The following IQCK variants were observed in gnomAD, a reference collection of about 807,000 sequenced individuals.
The protein encoded by IQCK is IQ domain-containing protein K.
Under a neutral mutation model 28.1 loss-of-function variants are expected in IQCK, and 29 were observed. That is an observed-to-expected ratio of 1.03 (90% confidence interval 0.77 to 1.41). IQCK has a LOEUF of 1.41. IQCK is among the 40% of genes most tolerant of loss of function. IQCK has a pLI of 0.00. For missense variants in IQCK, 359 were observed against 314.7 expected (o/e 1.14, Z -1.07); for synonymous variants, 113 against 115.1 (o/e 0.98, Z 0.12).
chr16:19,737,345 G>A (rs1567537124), intron 4 of IQCK, among the ~76,000 whole-genome samples: 1 of 152,114 alleles, frequency 6.6e-6, no homozygotes, highest in Non-Finnish European at 1.5e-5. Flanking sequence ...ATATACTGAG[G>A]AAATAAGGTT....
chr16:19,778,463 T>A (rs1567553839), intron 6 of IQCK, among the ~76,000 whole-genome samples: 1 of 152,014 alleles, frequency 6.6e-6, no homozygotes, highest in African/African-American at 2.4e-5. Context: ...TGCAACCAGC[T>A]TGGGCAACAT....
At chr16:19,750,480 G>C (rs1204216806) in intron 4 of IQCK, among the ~76,000 whole-genome samples, 1 of 146,734 alleles carries the variant, frequency 6.8e-6, no homozygotes, top group Admixed American at 6.8e-5. Flanking sequence ...GTTTTTTTTT[G>C]AGATGGAGTC....
chr16:19,826,667 C>T (rs1177407464), intron 7 of IQCK, among the ~76,000 whole-genome samples: 2 of 152,130 alleles, frequency 1.3e-5, no homozygotes, highest in Admixed American at 1.3e-4. Flanking sequence ...CGTAAGCCAC[C>T]GTGCCTGGCC....
chr16:19,838,244 TGTTGGGGAAAGC>T (rs2141107472), intron 9 of IQCK, among the ~76,000 whole-genome samples: 1 of 152,286 alleles, frequency 6.6e-6, no homozygotes, highest in Admixed American at 6.5e-5. Flanking sequence ...ACTGGGCTTT[TGTTGGGGAAAGC>T]GAGGTGGGAT....
intron 1 of IQCK, among the ~76,000 whole-genome samples, chr16:19,726,834 A>G (rs1977670397): frequency 1.3e-5 from 2 of 152,220 alleles, no homozygotes; most frequent in South Asian, 4.1e-4. Flanking sequence ...ATAGCCTATT[A>G]GAAAAGATAG....
intron 7 of IQCK, among the ~76,000 whole-genome samples, chr16:19,819,295 C>T (rs976258889): frequency 4.0e-5 from 6 of 151,896 alleles, no homozygotes; most frequent in South Asian, 2.1e-4. Flanking sequence ...GAGTTTGAGA[C>T]GAGCCTGGCC....
intron 6 of IQCK, among the ~76,000 whole-genome samples, chr16:19,764,921 G>A (rs569883685): frequency 2.9e-5 from 4 of 136,094 alleles, no homozygotes; most frequent in East Asian, 2.2e-4. Context: ...GGATGGTCTC[G>A]ATCTCCTGAC....
At chr16:19,835,587 C>CTTTTT (rs372317479) in intron 9 of IQCK, among the ~76,000 whole-genome samples, 24 of 138,916 alleles carry the variant, frequency 1.7e-4, no homozygotes, top group Admixed American at 2.9e-4. Context: ...CTTTTCTTTT[C>CTTTTT]TTTTTTTTTT....
downstream of IQCK, among the ~76,000 whole-genome samples, chr16:19,829,481 C>T (rs1170709002): frequency 1.3e-5 from 2 of 152,058 alleles, no homozygotes; most frequent in African/African-American, 2.4e-5. Flanking sequence ...GGATTACAGG[C>T]GTTTGCCACC....
exon 7 of IQCK, chr16:19,788,891 T>C (rs7191155): frequency 0.15 from 326 of 2,132 alleles, 41 homozygotes; most frequent in East Asian, 0.27. Flanking sequence ...GAAGCAGCCC[T>C]CTACATTCAA....
intron 4 of IQCK, among the ~76,000 whole-genome samples, chr16:19,741,938 G>A (rs1000292967): frequency 6.6e-6 from 1 of 152,198 alleles, no homozygotes; most frequent in Non-Finnish European, 1.5e-5. Flanking sequence ...AGTGAGCCAA[G>A]ATCTCATCAC....
At chr16:19,838,999 A>G (rs2056331886) in intron 9 of IQCK, among the ~76,000 whole-genome samples, 1 of 127,466 alleles carries the variant, frequency 7.8e-6, no homozygotes, top group African/African-American at 3.1e-5. Context: ...AGCCTGGGCC[A>G]CAGAGTGAGA....
chr16:19,833,480 A>G (rs1416471241), intron 9 of IQCK, among the ~76,000 whole-genome samples: 1 of 152,196 alleles, frequency 6.6e-6, no homozygotes, highest in Non-Finnish European at 1.5e-5. Flanking sequence ...ATTATTAATG[A>G]TTTATTGTGT....
At chr16:19,850,880 G>C (rs1380522744) in intron 9 of IQCK, among the ~76,000 whole-genome samples, 3 of 152,200 alleles carry the variant, frequency 2.0e-5, no homozygotes, top group African/African-American at 7.2e-5. Context: ...AGCCAGGCAT[G>C]GTGGTGCGTG....
At chr16:19,801,167 CTG>C (rs745425137) in intron 7 of IQCK, among the ~76,000 whole-genome samples, 7 of 135,516 alleles carry the variant, frequency 5.2e-5, no homozygotes, top group Admixed American at 1.4e-4. Context: ...TGGGTTTGGG[CTG>C]TGTGTGTGTG....
chr16:19,856,024 A>G (rs1364904960), intron 9 of IQCK, among the ~76,000 whole-genome samples: 2 of 152,100 alleles, frequency 1.3e-5, no homozygotes, highest in African/African-American at 4.8e-5. Flanking sequence ...CACCGAGATC[A>G]GGTTCTTGGT....
At chr16:19,763,773 A>G in intron 4 of IQCK, 75 bp from the exon 5 acceptor site, 1 of 1,150,710 alleles carries the variant, frequency 8.7e-7, no homozygotes. Context: ...AAAGTCATGT[A>G]TAAGTAGACC....
At chr16:19,846,821 T>A (rs758019553) in intron 9 of IQCK, among the ~76,000 whole-genome samples, 1 of 152,148 alleles carries the variant, frequency 6.6e-6, no homozygotes. Flanking sequence ...GCATAGATTT[T>A]TTTTTTCTTT....
chr16:19,752,664 C>T (rs986274899), intron 4 of IQCK, among the ~76,000 whole-genome samples: 6 of 152,168 alleles, frequency 3.9e-5, no homozygotes, highest in African/African-American at 1.2e-4. Flanking sequence ...CCAGCTCTAA[C>T]GATCCTCCCA....
Sources: gnomAD v4.1 joint callset for allele counts (sites outside exome capture counted in the v4.1 genomes callset) on GRCh38, gnomAD v4.1.1 for gene constraint, MANE v1.5 for transcripts, NCBI Gene and HGNC (gene_info 2026-07-23, HGNC 2026-07-21) for gene names.